NLRP4: variants seen among roughly 807,000 people sequenced by gnomAD.
NLRP4 encodes NLR family pyrin domain containing 4, also known as NACHT, LRR and PYD domains-containing protein 4.
A neutral mutation model predicts 84.7 loss-of-function variants in NLRP4; 44 were observed. The observed-to-expected ratio is 0.52, with a 90% CI of 0.41 to 0.67. The LOEUF (loss-of-function observed/expected upper bound fraction) is 0.67, where lower values mean the gene tolerates loss of function less well. Ranked by LOEUF, NLRP4 falls within the 30% of genes least tolerant of loss-of-function variation. The pLI, the probability that NLRP4 is intolerant of heterozygous loss-of-function variation, is 0.00. For missense variants in NLRP4, 1,260 were observed against 1,219.4 expected (o/e 1.03, Z -0.50); for synonymous variants, 544 against 476.4 (o/e 1.14, Z -1.85).
At chr19:55,871,107 T>C (rs949978975) in intron 7 of NLRP4, 110 bp downstream of exon 7, 9 of 900,736 alleles carry the variant, frequency 1.0e-5, no homozygotes, top group African/African-American at 8.4e-5. Context: ...TGCCTGGGCA[T>C]GTGAAGGTTT....
In NLRP4 at chr19:55,877,041, C is replaced by A. The variant is rs1475191205; in HGVS notation, c.2571C>A (p.Ala857=). 1 of 1,614,058 alleles carries A rather than the reference C, an allele frequency of 6.2e-7. No homozygotes were observed. Among genetic ancestry groups the A allele is most frequent in the Non-Finnish European group, 8.5e-7 (1 of 1,179,948 alleles). The change falls in exon 8 of 10, where the codon GCC becomes GCA. Residue 857 remains alanine (A), a synonymous_variant. Coordinates refer to ENST00000301295, the MANE Select transcript of NLRP4 (RefSeq NM_134444.5). ...FITAAGCEDL[A]SALISNQNLK... ...CTGCTGCTGGCTGTGAAGACCTCGC[C>A]TCTGCTCTCATCAGCAATCAAAACC...
At chr19:55,857,562 G>T in intron 2 of NLRP4, 112 bp from the exon 3 acceptor site, 1 of 927,266 alleles carries the variant, frequency 1.1e-6, no homozygotes. Context: ...GTTTGGCCTG[G>T]GGGCCACAGT....
chr19:55,861,459 C>A lies in NLRP4; in HGVS notation c.1930C>A (p.Gln644Lys), dbSNP rs1216153158. 8 of 1,613,772 alleles carry A rather than the reference C, an allele frequency of 5.0e-6. No homozygotes were observed. The African/African-American group carries it at 1.1e-4, about 22-fold the overall frequency. ...CACCAGCGGGCACCTCAGAGAGCTCCAGGTGCAGGACAGCACCCTCAGCGA... is the reference window on the plus strand; with the variant it reads ...CACCAGCGGGCACCTCAGAGAGCTCAAGGTGCAGGACAGCACCCTCAGCGA... ...LTTSGHLREL[Q>K]VQDSTLSEST... Residue 644 changes from glutamine to lysine, a missense_variant, in exon 4 of 10, where the codon CAG becomes AAG. Physicochemically the swap from Gln to Lys is moderately conservative, Grantham distance 53 (BLOSUM62 1). Transcript: ENST00000301295.
chr19:55,854,034 A>G (rs959413889), intron 2 of NLRP4, among the ~76,000 whole-genome samples: 1 of 151,370 alleles, frequency 6.6e-6, no homozygotes, highest in African/African-American at 2.4e-5. Flanking sequence ...CAGTGGTGCA[A>G]TCTCGGCCCA....
chr19:55,880,852 C>T (rs1008090405), intron 9 of NLRP4, among the ~76,000 whole-genome samples: 15 of 152,082 alleles, frequency 9.9e-5, no homozygotes, highest in Non-Finnish European at 2.1e-4. Context: ...CATCACAAGT[C>T]GGGACAATTA....
intron 2 of NLRP4, among the ~76,000 whole-genome samples, chr19:55,856,896 C>A (rs996485914): frequency 6.6e-6 from 1 of 152,126 alleles, no homozygotes; most frequent in Admixed American, 6.5e-5. Flanking sequence ...GGAATGGATG[C>A]GAGGTGCCAT....
chr19:55,851,072 AGGCTGCGGTGTAATGTCCGT>A (rs1568659567), intron 1 of NLRP4, among the ~76,000 whole-genome samples: 139 of 88,082 alleles, frequency 1.6e-3, no homozygotes, highest in East Asian at 3.2e-3. Context: ...GTAATGTCCG[AGGCTGCGGTGTAATGTCCGT>A]GGCTGCGGTG....
In NLRP4 at chr19:55,858,652, G is replaced by A. The variant is rs142191212; in HGVS notation, c.1259G>A (p.Arg420Gln). 1.0e-4 allele frequency: 162 copies of A among 1,614,154 alleles called. No homozygotes were observed. The African/African-American group carries it at 1.1e-3, about 11-fold the overall frequency. ...DTFEFCEDDLRRNGVVDADIP... is the reference protein window; with the variant it reads ...DTFEFCEDDLQRNGVVDADIP... ...TTTGAGTTTTGTGAAGACGACCTCC[G>A]GAGAAATGGGGTTGTTGACGCTGAC... The change falls in exon 3 of 10, where the codon CGG (arginine) becomes CAG (glutamine). Residue 420 changes from arginine (R) to glutamine (Q), a missense_variant. This residue lies in a region of NLRP4 where 712 missense variants were observed against 669.2 expected (regional missense o/e 1.06). Transcript: ENST00000301295. The surrounding 1 kb of genome is among the most constrained non-coding windows in gnomAD (Gnocchi z 4.2).
At chr19:55,853,899 C>CTCTG (rs1883656651) in intron 2 of NLRP4, among the ~76,000 whole-genome samples, 1 of 146,838 alleles carries the variant, frequency 6.8e-6, no homozygotes, top group African/African-American at 2.6e-5. Context: ...TTCTCTCTCT[C>CTCTG]TCTCTCTTTC....
chr19:55,867,123 C>T (rs302428), intron 5 of NLRP4, among the ~76,000 whole-genome samples: 2,768 of 148,066 alleles, frequency 0.019, 52 homozygotes, highest in Non-Finnish European at 0.029. Flanking sequence ...ATAACTGAGA[C>T]GGTGCATCTC....
At chr19:55,865,046 G>A (rs1240222516) in intron 5 of NLRP4, among the ~76,000 whole-genome samples, 1 of 152,066 alleles carries the variant, frequency 6.6e-6, no homozygotes, top group South Asian at 2.1e-4. Context: ...AAAGTAAATG[G>A]CACGTCATGG....
chr19:55,854,032 C>T (rs1372656693), intron 2 of NLRP4, among the ~76,000 whole-genome samples: 1 of 151,818 alleles, frequency 6.6e-6, no homozygotes, highest in East Asian at 1.9e-4. Context: ...TGCAGTGGTG[C>T]AATCTCGGCC....
At chr19:55,878,014 T>TA (rs1269581512) in intron 8 of NLRP4, among the ~76,000 whole-genome samples, 1 of 152,136 alleles carries the variant, frequency 6.6e-6, no homozygotes, top group African/African-American at 2.4e-5. Flanking sequence ...TGTGATAGCT[T>TA]AGTCCTGCAG....
Position 55,850,867 on chromosome 19 carries a change from T to G in NLRP4, c.-65-1149T>G, listed in dbSNP as rs866136210. Among the ~76,000 whole-genome samples the G allele has an allele frequency of 7.1e-3, 205 of 28,990 alleles. 7 individuals carry two copies. Among genetic ancestry groups the G allele is most frequent in the East Asian group, 0.028 (21 of 748 alleles). 19.0% of individuals were successfully genotyped at this position (28,990 alleles called of 152,430 possible). A position where few individuals can be genotyped will look rare whatever the true frequency, so the allele number is the denominator to read the frequency against. Reference sequence around the variant, plus strand: ...GTAATTTACGAGGCTGCGGTGTAATTTACGAGGCTGCGGTGTAATGTCCGT... The same window carrying G: ...GTAATTTACGAGGCTGCGGTGTAATGTACGAGGCTGCGGTGTAATGTCCGT... On this transcript the variant is annotated intron_variant, in intron 1 of 9. Transcript: ENST00000301295.
intron 2 of NLRP4, among the ~76,000 whole-genome samples, chr19:55,853,981 C>CT (rs1984309736): frequency 6.8e-6 from 1 of 146,582 alleles, no homozygotes; most frequent in South Asian, 2.2e-4. Flanking sequence ...TTCTTTCTTT[C>CT]TTCTTTGATA....
chr19:55,875,291 C>A (rs1985327051), intron 7 of NLRP4, among the ~76,000 whole-genome samples: 2 of 152,160 alleles, frequency 1.3e-5, no homozygotes, highest in South Asian at 2.1e-4. Flanking sequence ...ACACCTAATT[C>A]TATACAGATG....
chr19:55,862,315 C>A (rs533163325), intron 5 of NLRP4, among the ~76,000 whole-genome samples, 156 bp downstream of exon 5: 2 of 131,628 alleles, frequency 1.5e-5, no homozygotes, highest in African/African-American at 5.7e-5. Flanking sequence ...AAGACTATAG[C>A]GTAAGTCTCC....
intron 6 of NLRP4, among the ~76,000 whole-genome samples, chr19:55,868,264 G>A (rs993698702): frequency 1.3e-5 from 2 of 152,080 alleles, no homozygotes; most frequent in African/African-American, 4.8e-5. Context: ...GGACAGTAGC[G>A]GGGAAAAATG....
chr19:55,837,595 C>T (rs1439531795), intron 1 of NLRP4, among the ~76,000 whole-genome samples: 1 of 151,760 alleles, frequency 6.6e-6, no homozygotes, highest in African/African-American at 2.4e-5. Context: ...TGAATTGTGT[C>T]CCAACCCTAA....
Sources: gnomAD v4.1 joint callset for allele counts (sites outside exome capture counted in the v4.1 genomes callset) on GRCh38, gnomAD v4.1.1 for gene constraint, gnomAD v4.1.1 regional missense constraint, Gnocchi (gnomAD v3.1) non-coding constraint, MANE v1.5 for transcripts, NCBI Gene and HGNC (gene_info 2026-07-23, HGNC 2026-07-21) for gene names.